The following WDR70 variants were observed in gnomAD, a reference collection of about 807,000 sequenced individuals.
WDR70 encodes WD repeat-containing protein 70.
In WDR70, 53 loss-of-function variants were observed where a neutral mutation model predicts 88.6. That is an observed-to-expected ratio of 0.60 (90% CI 0.48 to 0.75). The LOEUF is 0.75. Ranked by LOEUF, WDR70 falls within the 30% of genes least tolerant of loss-of-function variation. WDR70 has a pLI of 0.00. For synonymous variants in WDR70, 280 were observed against 270.0 expected (o/e 1.04, Z -0.36); for missense variants, 610 against 823.2 (o/e 0.74, Z 3.17).
rs573762086 is a variant in WDR70 at position 37,587,089 on chromosome 5, C to G, written c.918-17975C>G. Among the ~76,000 whole-genome samples, 5 of 152,262 alleles carry G rather than the reference C, an allele frequency of 3.3e-5. No homozygotes were observed. The East Asian group carries it at 9.7e-4, about 30-fold the overall frequency. On this transcript the variant is annotated intron_variant, in intron 9 of 17. Coordinates refer to ENST00000265107, the MANE Select transcript of WDR70 (RefSeq NM_018034.4). Reference sequence around the variant, plus strand: ...AGGCCTTTATCATCTTTCACTTGGACTGTCCAACCTACAGACTTGTCCCCT... The same window carrying G: ...AGGCCTTTATCATCTTTCACTTGGAGTGTCCAACCTACAGACTTGTCCCCT...
chr5:37,707,808 A>G (rs4533915), intron 13 of WDR70, among the ~76,000 whole-genome samples: 100,863 of 149,830 alleles, frequency 0.67, 37,624 homozygotes, highest in East Asian at 0.89. Context: ...CAGCTACTCC[A>G]TAGGCTGAGG....
intron 17 of WDR70, among the ~76,000 whole-genome samples, chr5:37,743,247 C>T (rs958222646): frequency 6.6e-6 from 1 of 152,240 alleles, no homozygotes; most frequent in Admixed American, 6.5e-5. Context: ...AGTGAACACG[C>T]TATCCAGCTG....
intron 13 of WDR70, among the ~76,000 whole-genome samples, chr5:37,709,988 G>A (rs1227861155): frequency 6.6e-6 from 1 of 151,952 alleles, no homozygotes; most frequent in East Asian, 1.9e-4. Context: ...TCACCTAGAG[G>A]TATCATATTA....
intron 9 of WDR70, among the ~76,000 whole-genome samples, chr5:37,576,128 C>T (rs1255871509): frequency 7.6e-6 from 1 of 131,508 alleles, no homozygotes; most frequent in Non-Finnish European, 1.6e-5. Flanking sequence ...CCTCCCTCCG[C>T]CCTCCTTCCC....
At chr5:37,443,684 C>T (rs1184377502) in intron 7 of WDR70, among the ~76,000 whole-genome samples, 3 of 152,178 alleles carry the variant, frequency 2.0e-5, no homozygotes, top group Non-Finnish European at 4.4e-5. Flanking sequence ...AAAAGCCCGT[C>T]TCTACTAAAA....
intron 9 of WDR70, among the ~76,000 whole-genome samples, chr5:37,591,927 A>C (rs1743541538): frequency 6.6e-6 from 1 of 152,258 alleles, no homozygotes; most frequent in African/African-American, 2.4e-5. Context: ...GAAAAGGTAT[A>C]TCATCATCTC....
Position 37,718,113 on chromosome 5 carries a change from G to A in WDR70, c.1417-3002G>A, listed in dbSNP as rs577227788. ...CTCTCCCTGTTTCGGCATGAAAGGA[G>A]GGTAAATATGCTTCTCTGTAAGAAC... is the stretch of plus-strand genomic sequence containing the variant. On this transcript the variant is annotated intron_variant, in intron 13 of 17. Transcript: ENST00000265107. Among the ~76,000 whole-genome samples, 4 of 152,222 alleles carry A rather than the reference G, an allele frequency of 2.6e-5. No homozygotes were observed. In the South Asian group the frequency reaches 8.3e-4, roughly 32 times the overall value.
chr5:37,506,871 G>T, intron 8 of WDR70: 2 of 1,196,480 alleles, frequency 1.7e-6, no homozygotes, highest in Non-Finnish European at 2.5e-6. Context: ...CGCTGCCCCC[G>T]GTGGGTCCTG....
intron 7 of WDR70, among the ~76,000 whole-genome samples, chr5:37,447,927 A>G (rs1451368473): frequency 6.6e-6 from 1 of 152,158 alleles, no homozygotes; most frequent in Non-Finnish European, 1.5e-5. Context: ...CCTAGAACTT[A>G]AAGTGTAATT....
At chr5:37,411,941 T>C (rs1407574937) in intron 5 of WDR70, among the ~76,000 whole-genome samples, 1 of 151,986 alleles carries the variant, frequency 6.6e-6, no homozygotes, top group Non-Finnish European at 1.5e-5. Flanking sequence ...TTCTTTTTGA[T>C]AAACTTTTTT....
intron 8 of WDR70, chr5:37,506,852 G>A (rs538496014): frequency 1.4e-5 from 17 of 1,237,610 alleles, no homozygotes; most frequent in East Asian, 9.3e-5. Context: ...AGGGTCACCC[G>A]CCTCATTGCG....
chr5:37,440,014 A>C (rs1346278228), intron 6 of WDR70, among the ~76,000 whole-genome samples: 1 of 152,102 alleles, frequency 6.6e-6, no homozygotes, highest in Non-Finnish European at 1.5e-5. Flanking sequence ...TATTTAATCT[A>C]ATATCTCATT....
rs147666605 is a variant in WDR70 at position 37,720,686 on chromosome 5, TA to T, written c.1417-424del. 7.5e-3 allele frequency among the ~76,000 whole-genome samples: 1,141 copies of T among 152,316 alleles called. 18 individuals are homozygous for T. The highest frequency in any genetic ancestry group is 0.026 in the African/African-American group (1,074 of 41,582). On this transcript the variant is annotated intron_variant, in intron 13 of 17. Transcript: ENST00000265107. ...TTATGAGATTTGGATCTTTGTGAAC[TA>T]AAAACAATAACCACCTGGTCTCAAT...
At chr5:37,485,858 A>ATTTTTTTTTTTTTTTTTT (rs57109943) in intron 8 of WDR70, among the ~76,000 whole-genome samples, 14 of 108,286 alleles carry the variant, frequency 1.3e-4, no homozygotes, top group South Asian at 3.2e-4. Flanking sequence ...TGCCTGGCTA[A>ATTTTTTTTTTTTTTTTTT]TTTTTTTTTT....
intron 8 of WDR70, among the ~76,000 whole-genome samples, chr5:37,497,973 C>T (rs901318991): frequency 2.0e-5 from 3 of 152,126 alleles, no homozygotes; most frequent in African/African-American, 7.2e-5. Flanking sequence ...AAGCGTGCTC[C>T]ACTAAACCTA....
intron 9 of WDR70, among the ~76,000 whole-genome samples, chr5:37,559,712 G>A (rs1301653679): frequency 6.6e-6 from 1 of 152,008 alleles, no homozygotes; most frequent in Non-Finnish European, 1.5e-5. Flanking sequence ...GGGGGTGGTG[G>A]CACACACCTG....
intron 10 of WDR70, among the ~76,000 whole-genome samples, chr5:37,656,471 C>T (rs187061068): frequency 4.3e-4 from 65 of 152,348 alleles, no homozygotes; most frequent in Non-Finnish European, 7.4e-4. Flanking sequence ...AGCTCAAGCG[C>T]TGTGCTGGGA....
chr5:37,463,636 G>C (rs1391894327), intron 7 of WDR70, among the ~76,000 whole-genome samples: 1 of 152,168 alleles, frequency 6.6e-6, no homozygotes, highest in African/African-American at 2.4e-5. Context: ...GAGTTACTCC[G>C]TGAGAGAGCA....
chr5:37,521,738 A>C (rs989584885), intron 9 of WDR70, among the ~76,000 whole-genome samples: 4 of 136,110 alleles, frequency 2.9e-5, no homozygotes, highest in Admixed American at 7.4e-5. Context: ...ACACACACAC[A>C]CACCCACATG....
Sources: allele counts gnomAD v4.1 joint callset (sites outside exome capture counted in the v4.1 genomes callset), GRCh38; gene constraint gnomAD v4.1.1; transcripts MANE v1.5; gene names NCBI Gene and HGNC (gene_info 2026-07-23, HGNC 2026-07-21).